The following MIS18BP1 variants were observed in gnomAD, a reference collection of about 807,000 sequenced individuals.
MIS18BP1 encodes the protein MIS18 binding protein 1, also known as mis18-binding protein 1.
In MIS18BP1, 72 loss-of-function variants were observed where a neutral mutation model predicts 116.1. That is an observed-to-expected ratio of 0.62 (90% CI 0.51 to 0.75). The LOEUF is 0.75. Among genes scored for constraint, MIS18BP1 ranks in the 30% least tolerant of loss-of-function variants. The probability of loss-of-function intolerance (pLI) is 0.00; values close to 1 mark genes in which losing one functional copy is unlikely to be tolerated. For synonymous variants in MIS18BP1, 386 were observed against 427.0 expected, an observed-to-expected ratio of 0.90 and a Z score of 1.18; for missense variants, 1,363 against 1,303.2, an observed-to-expected ratio of 1.05 and a Z score of -0.71.
chr14:45,229,757 G>A (rs192231251), intron 8 of MIS18BP1, among the ~76,000 whole-genome samples: 14 of 152,214 alleles, frequency 9.2e-5, no homozygotes, highest in African/African-American at 3.4e-4. Flanking sequence ...ATACTGTCAA[G>A]GATTTTCTTG....
chr14:45,243,520 A>T (rs1891640189), intron 2 of MIS18BP1, among the ~76,000 whole-genome samples: 1 of 151,990 alleles, frequency 6.6e-6, no homozygotes, highest in Non-Finnish European at 1.5e-5. Flanking sequence ...AGTTTCTTTC[A>T]CACAAAAAGG....
At chr14:45,231,093 G>A (rs754484640) in intron 8 of MIS18BP1, 48 bp downstream of exon 8, 2 of 1,576,882 alleles carry the variant, frequency 1.3e-6, no homozygotes, top group South Asian at 2.3e-5. Context: ...TGTAGACCAT[G>A]TAAGAACTTA....
At chr14:45,223,786 C>T in intron 11 of MIS18BP1, 132 bp downstream of exon 11, 1 of 670,660 alleles carries the variant, frequency 1.5e-6, no homozygotes, top group South Asian at 2.2e-5. Flanking sequence ...TATCTCCATT[C>T]CCTGTGCAAA....
chr14:45,204,213 C>T lies in MIS18BP1; in HGVS notation c.3296-1G>A, dbSNP rs759009560. ...CCAATACCAGAGTTTTCTCCTAAGT[C>T]TGTAAAGAGAAGTTTAATAAAAAGA... On this transcript the variant is annotated splice_acceptor_variant, in intron 16 of 16. Transcript: ENST00000310806. LOFTEE classifies it high-confidence loss of function. 1 of 1,596,678 alleles carries T rather than the reference C, an allele frequency of 6.3e-7. No homozygotes were observed. The highest frequency in any genetic ancestry group is 8.5e-7 in the Non-Finnish European group (1 of 1,174,820).
At chr14:45,242,706 A>G (rs1891615691) in intron 3 of MIS18BP1, 55 bp downstream of exon 3, 2 of 1,507,392 alleles carry the variant, frequency 1.3e-6, no homozygotes, top group Non-Finnish European at 1.8e-6. Context: ...AATTACCTAG[A>G]ACATTTAACA....
At chr14:45,216,442 C>T (rs1464039128) in intron 13 of MIS18BP1, among the ~76,000 whole-genome samples, 72 of 152,132 alleles carry the variant, frequency 4.7e-4, no homozygotes, top group Admixed American at 4.7e-3. Flanking sequence ...ATGACCACTT[C>T]CCCAAGTGTT....
chr14:45,248,801 TCATAA>T lies in MIS18BP1; in HGVS notation c.-91-1429_-91-1425del, dbSNP rs1397785134. Among the ~76,000 whole-genome samples the T allele has an allele frequency of 2.0e-5, 3 of 152,332 alleles. No individual in the cohort carries two copies. In the East Asian group the frequency reaches 5.8e-4, roughly 29 times the overall value. On this transcript the variant is annotated intron_variant, in intron 1 of 16. Coordinates refer to ENST00000310806, the MANE Select transcript of MIS18BP1 (RefSeq NM_018353.5). ...GTTCCTAAAAACCACTATAATTCTT[TCATAA>T]CATACGAATCCTGCAAATACATATT...
chr14:45,237,843 G>A (rs1444812361), intron 4 of MIS18BP1, 122 bp from the exon 5 acceptor site: 5 of 1,309,532 alleles, frequency 3.8e-6, no homozygotes, highest in Admixed American at 3.5e-5. Flanking sequence ...TAGTGTCATC[G>A]ATGTAAGATT....
chr14:45,203,881 A>G lies in MIS18BP1; in HGVS notation c.*228T>C. The G allele has an allele frequency of 3.3e-6, 1 of 306,638 alleles. No homozygotes were observed. Among genetic ancestry groups the G allele is most frequent in the Non-Finnish European group, 5.6e-6 (1 of 179,584 alleles). 19.0% of individuals were successfully genotyped at this position (306,638 alleles called of 1,614,324 possible). ...TTATCTATATATATTTTAATATGCA[A>G]AAACAAATTTACAGATATCTACACG... On this transcript the variant is annotated 3_prime_UTR_variant, in exon 17 of 17. Transcript: ENST00000310806.
chr14:45,243,445 A>G (rs1891638965), intron 2 of MIS18BP1, among the ~76,000 whole-genome samples: 1 of 152,164 alleles, frequency 6.6e-6, no homozygotes, highest in Non-Finnish European at 1.5e-5. Flanking sequence ...AAGGACTAAT[A>G]GCACTGCTTG....
rs200147626 is a variant in MIS18BP1 at position 45,224,573 on chromosome 14, C to T, written c.2014G>A (p.Ala672Thr). 3.7e-5 allele frequency: 60 copies of T among 1,612,948 alleles called. No individual in the cohort carries two copies. Among genetic ancestry groups the T allele is most frequent in the South Asian group, 3.3e-4 (30 of 90,756 alleles). Residue 672 changes from alanine (A) to threonine (T), a missense_variant, in exon 11 of 17, where the codon GCT (alanine) becomes ACT (threonine). Physicochemically the swap from Ala to Thr is moderately conservative, Grantham distance 58 (BLOSUM62 0). Coordinates refer to ENST00000310806, the MANE Select transcript of MIS18BP1 (RefSeq NM_018353.5). Reference sequence around the variant, plus strand: ...TCTGTTACTGCTTTGATGGTGCCAGCGGACAGATTATACCTCATGCATCTT... The same window carrying T: ...TCTGTTACTGCTTTGATGGTGCCAGTGGACAGATTATACCTCATGCATCTT... ...EQRCMRYNLS[A>T]GTIKAVTDFV...
intron 2 of MIS18BP1, among the ~76,000 whole-genome samples, chr14:45,245,016 A>G (rs574242519): frequency 1.3e-5 from 2 of 152,350 alleles, no homozygotes; most frequent in South Asian, 4.1e-4. Flanking sequence ...CAAGTATTAA[A>G]AATGATAAAA....
Position 45,224,434 on chromosome 14 carries a change from T to C in MIS18BP1, c.2153A>G (p.Asp718Gly). ...SKNKEDCDER[D>G]LLTVNRKIKI... ...TATTTTCCGGTTGACAGTAAGTAAGTCACGTTCATCGCAATCTTCCTTGTT... is the reference window on the plus strand; with the variant it reads ...TATTTTCCGGTTGACAGTAAGTAAGCCACGTTCATCGCAATCTTCCTTGTT... Residue 718 changes from aspartate to glycine, a missense_variant, in exon 11 of 17, where the codon GAC becomes GGC. Transcript: ENST00000310806. The C allele has an allele frequency of 6.2e-7, 1 of 1,613,990 alleles. No homozygotes were observed. The highest frequency in any genetic ancestry group is 1.1e-5 in the South Asian group (1 of 91,070).
chr14:45,234,452 C>T (rs1461855005), intron 6 of MIS18BP1, among the ~76,000 whole-genome samples: 2 of 151,830 alleles, frequency 1.3e-5, no homozygotes, highest in South Asian at 2.1e-4. Flanking sequence ...TAGACAGTAA[C>T]GTGCTAGTTC....
intron 11 of MIS18BP1, among the ~76,000 whole-genome samples, chr14:45,220,711 C>CTAATTTG (rs1210719444): frequency 2.6e-4 from 39 of 152,166 alleles, no homozygotes; most frequent in Non-Finnish European, 4.6e-4. Context: ...AGAATGCACC[C>CTAATTTG]TAATTTGTTT....
intron 1 of MIS18BP1, among the ~76,000 whole-genome samples, chr14:45,250,379 C>A (rs139095202): frequency 1.2e-3 from 180 of 152,312 alleles, no homozygotes; most frequent in African/African-American, 4.2e-3. Flanking sequence ...CAGGACACAT[C>A]TGAAGCTCCA....
intron 6 of MIS18BP1, among the ~76,000 whole-genome samples, chr14:45,234,552 CCT>C (rs1205226287): frequency 6.6e-6 from 1 of 152,068 alleles, no homozygotes; most frequent in Non-Finnish European, 1.5e-5. Context: ...GGTGCTCTGC[CCT>C]CTCCCCTACT....
chr14:45,244,063 G>C (rs1891662180), intron 2 of MIS18BP1, among the ~76,000 whole-genome samples: 1 of 152,082 alleles, frequency 6.6e-6, no homozygotes, highest in Non-Finnish European at 1.5e-5. Flanking sequence ...AACTCCCTTA[G>C]AAAACTCTGT....
At chr14:45,216,834 G>A (rs1018836270) in intron 13 of MIS18BP1, among the ~76,000 whole-genome samples, 185 bp downstream of exon 13, 1 of 152,156 alleles carries the variant, frequency 6.6e-6, no homozygotes, top group South Asian at 2.1e-4. Flanking sequence ...ACCAACTGAA[G>A]TGCAGACTCT....
Sources: gnomAD v4.1 joint callset for allele counts (sites outside exome capture counted in the v4.1 genomes callset) on GRCh38, gnomAD v4.1.1 for gene constraint, MANE v1.5 for transcripts, NCBI Gene and HGNC (gene_info 2026-07-23, HGNC 2026-07-21) for gene names.